HGSNAT: variants seen among roughly 807,000 people sequenced by gnomAD.
The protein encoded by HGSNAT is heparan-alpha-glucosaminide N-acetyltransferase.
Under a neutral mutation model 85.2 loss-of-function variants are expected in HGSNAT, and 59 were observed. The ratio of observed to expected loss-of-function variants is 0.69; its 90% CI spans 0.56 to 0.86. HGSNAT has a LOEUF of 0.86. Ranked by LOEUF, HGSNAT falls within the 40% of genes least tolerant of loss-of-function variation. HGSNAT has a pLI of 0.00. For synonymous variants in HGSNAT, 321 were observed against 304.5 expected (o/e 1.05, Z -0.56); for missense variants, 756 against 777.1 (o/e 0.97, Z 0.32).
intron 17 of HGSNAT, among the ~76,000 whole-genome samples, 173 bp downstream of exon 17, chr8:43,198,125 A>T (rs1222832396): frequency 6.6e-6 from 1 of 152,040 alleles, no homozygotes; most frequent in Admixed American, 6.6e-5. Context: ...CCCACACCAG[A>T]TGTCACTGGC....
chr8:43,189,097 A>T (rs919248976), intron 11 of HGSNAT, among the ~76,000 whole-genome samples: 6 of 152,182 alleles, frequency 3.9e-5, no homozygotes, highest in African/African-American at 1.4e-4. Context: ...CCACTTGAGG[A>T]GGCAGTCTGT....
intron 11 of HGSNAT, among the ~76,000 whole-genome samples, chr8:43,189,136 G>C (rs1254940875): frequency 1.3e-5 from 2 of 152,184 alleles, no homozygotes; most frequent in East Asian, 1.9e-4. Flanking sequence ...CTCTGTGCTG[G>C]GAGAACCACT....
At chr8:43,184,655 T>C (rs1804245514) in intron 11 of HGSNAT, among the ~76,000 whole-genome samples, 1 of 152,248 alleles carries the variant, frequency 6.6e-6, no homozygotes. Context: ...ATCCCATTTG[T>C]CAATTCTGGC....
At chr8:43,162,942 T>C (rs957156146) in intron 5 of HGSNAT, among the ~76,000 whole-genome samples, 1 of 151,990 alleles carries the variant, frequency 6.6e-6, no homozygotes, top group Admixed American at 6.6e-5. Flanking sequence ...TACCAGCACT[T>C]TGAGAGGCCA....
chr8:43,160,431 C>T (rs1308297297), intron 4 of HGSNAT, among the ~76,000 whole-genome samples: 5 of 152,202 alleles, frequency 3.3e-5, no homozygotes, highest in African/African-American at 1.2e-4. Context: ...CATGGGGCAA[C>T]CGCAACAGGT....
intron 6 of HGSNAT, among the ~76,000 whole-genome samples, 183 bp from the exon 7 acceptor site, chr8:43,170,402 C>A (rs1439015662): frequency 6.6e-6 from 1 of 152,136 alleles, no homozygotes; most frequent in Non-Finnish European, 1.5e-5. Flanking sequence ...ATCGCTTGAC[C>A]CCAGGAGGTG....
intron 10 of HGSNAT, among the ~76,000 whole-genome samples, chr8:43,178,655 T>TTCTTGCAGAGG (rs61363818): frequency 6.8e-6 from 1 of 147,990 alleles, no homozygotes; most frequent in African/African-American, 2.6e-5. Flanking sequence ...TCTTGGGTGT[T>TTCTTGCAGAGG]GGGATTTGGC....
intron 11 of HGSNAT, among the ~76,000 whole-genome samples, chr8:43,184,321 T>C (rs1333764990): frequency 2.0e-5 from 3 of 151,684 alleles, no homozygotes; most frequent in South Asian, 2.1e-4. Context: ...TTTTAATGAT[T>C]GCCATTCTAA....
intron 5 of HGSNAT, among the ~76,000 whole-genome samples, chr8:43,167,344 T>G (rs924901562): frequency 1.3e-4 from 20 of 152,172 alleles, no homozygotes; most frequent in African/African-American, 4.8e-4. Flanking sequence ...TGTGGCAAAC[T>G]GTATTGTCTT....
At chr8:43,177,412 G>T (rs1303944546) in intron 9 of HGSNAT, among the ~76,000 whole-genome samples, 1 of 151,856 alleles carries the variant, frequency 6.6e-6, no homozygotes, top group African/African-American at 2.4e-5. Flanking sequence ...AAGAAAATTA[G>T]CCGGGCACGG....
intron 13 of HGSNAT, 74 bp downstream of exon 13, chr8:43,192,504 A>G: frequency 1.3e-6 from 2 of 1,484,412 alleles, no homozygotes; most frequent in Non-Finnish European, 1.8e-6. Flanking sequence ...AAGAGCCAGC[A>G]AACGTTAAAC....
At chr8:43,192,064 G>C (rs1321374125) in intron 12 of HGSNAT, among the ~76,000 whole-genome samples, 1 of 152,096 alleles carries the variant, frequency 6.6e-6, no homozygotes, top group Non-Finnish European at 1.5e-5. Flanking sequence ...GAGTAGCTGG[G>C]ATTACAGGCG....
At chr8:43,162,138 G>A (rs1455393864) in intron 5 of HGSNAT, among the ~76,000 whole-genome samples, 1 of 152,148 alleles carries the variant, frequency 6.6e-6, no homozygotes, top group Non-Finnish European at 1.5e-5. Context: ...TTTTTTTCAT[G>A]TTTTAAAAAG....
intron 17 of HGSNAT, among the ~76,000 whole-genome samples, chr8:43,198,781 GT>G: frequency 6.6e-6 from 1 of 152,306 alleles, no homozygotes; most frequent in East Asian, 1.9e-4. Flanking sequence ...TCGAGGAATA[GT>G]TACATTCTTT....
chr8:43,170,732 G>A, intron 7 of HGSNAT, 38 bp downstream of exon 7: 2 of 1,293,504 alleles, frequency 1.5e-6, no homozygotes, highest in Non-Finnish European at 2.2e-6. Flanking sequence ...GGTGCAGGTA[G>A]TCACAGGACT....
chr8:43,185,980 A>G (rs544506045), intron 11 of HGSNAT, among the ~76,000 whole-genome samples: 3 of 152,136 alleles, frequency 2.0e-5, no homozygotes, highest in Non-Finnish European at 4.4e-5. Flanking sequence ...GCATCCCAGG[A>G]ATGAAGCCGA....
intron 2 of HGSNAT, among the ~76,000 whole-genome samples, chr8:43,153,083 TG>T (rs1284437703): frequency 6.7e-6 from 1 of 150,292 alleles, no homozygotes; most frequent in East Asian, 1.9e-4. Context: ...AAAAGGAGAT[TG>T]GGCAATGTGG....
chr8:43,196,677 AC>A, intron 14 of HGSNAT: 1 of 628,326 alleles, frequency 1.6e-6, no homozygotes, highest in Non-Finnish European at 2.7e-6. Flanking sequence ...TCCTGCGGGG[AC>A]CCTCTGGTGC....
intron 5 of HGSNAT, among the ~76,000 whole-genome samples, chr8:43,164,501 C>T (rs112274513): frequency 7.9e-5 from 12 of 152,070 alleles, no homozygotes; most frequent in East Asian, 3.9e-4. Context: ...GACGTGCAGC[C>T]GGACACCATG....
Sources: gnomAD v4.1 joint callset for allele counts (sites outside exome capture counted in the v4.1 genomes callset) on GRCh38, gnomAD v4.1.1 for gene constraint, MANE v1.5 for transcripts, NCBI Gene and HGNC (gene_info 2026-07-23, HGNC 2026-07-21) for gene names.